LAMA2: variants seen among roughly 807,000 people sequenced by gnomAD.
LAMA2 encodes the protein laminin subunit alpha-2.
LAMA2 carries 269 observed loss-of-function variants against 364.8 expected under a neutral mutation model. The ratio of observed to expected loss-of-function variants is 0.74; its 90% CI spans 0.67 to 0.82. LAMA2 has a LOEUF of 0.82. Among genes scored for constraint, LAMA2 ranks in the 40% least tolerant of loss-of-function variants. The pLI is 0.00. For synonymous variants in LAMA2, 1,379 were observed against 1,370.6 expected, an observed-to-expected ratio of 1.01 and a Z score of -0.14; for missense variants, 3,807 against 3,873.2, an observed-to-expected ratio of 0.98 and a Z score of 0.45.
intron 22 of LAMA2, among the ~76,000 whole-genome samples, chr6:129,309,902 A>ATTTTT (rs993652081): frequency 1.1e-4 from 15 of 135,788 alleles, no homozygotes; most frequent in African/African-American, 3.4e-4. Flanking sequence ...CCTGATAATC[A>ATTTTT]TTTTTTTTTT....
At chr6:129,219,395 T>C (rs265350) in intron 12 of LAMA2, among the ~76,000 whole-genome samples, 135,590 of 150,674 alleles carry the variant, frequency 0.9, 62,757 homozygotes, top group East Asian at 1. Flanking sequence ...TAAACTAGTT[T>C]AACCATTGTG....
chr6:129,442,158 T>C, intron 43 of LAMA2: 1 of 1,254,920 alleles, frequency 8.0e-7, no homozygotes, highest in Non-Finnish European at 1.1e-6. Context: ...ATTGGTATTA[T>C]ATGCCATAAA....
At chr6:129,456,252 T>C in intron 47 of LAMA2, 83 bp from the exon 48 acceptor site, 1 of 1,348,286 alleles carries the variant, frequency 7.4e-7, no homozygotes, top group Non-Finnish European at 1.1e-6. Context: ...TTTATATCTT[T>C]TAAATCTGGA....
intron 1 of LAMA2, among the ~76,000 whole-genome samples, chr6:129,043,343 G>A (rs1248537325): frequency 6.6e-6 from 1 of 151,938 alleles, no homozygotes; most frequent in Non-Finnish European, 1.5e-5. Flanking sequence ...GCATTTAAAA[G>A]AATTTAACAG....
chr6:129,505,262 C>A lies in LAMA2; in HGVS notation c.8610C>A (p.Thr2870=). 1.2e-6 allele frequency: 2 copies of A among 1,613,638 alleles called. No individual in the cohort carries two copies. The highest frequency in any genetic ancestry group is 1.7e-6 in the Non-Finnish European group (2 of 1,179,634). ...ILYVDGASNR[T]ISPKKADILD... ...ATGTAGATGGGGCTTCCAACAGAAC[C>A]ATCAGTCCCAAAAAAGCCGACATCC... The change falls in exon 61 of 65, where the codon ACC becomes ACA. Residue 2870 remains threonine, a synonymous_variant. Coordinates refer to ENST00000421865, the MANE Select transcript of LAMA2 (RefSeq NM_000426.4).
intron 4 of LAMA2, among the ~76,000 whole-genome samples, chr6:129,104,186 C>T (rs905373018): frequency 1.7e-4 from 26 of 152,118 alleles, no homozygotes; most frequent in African/African-American, 6.0e-4. Flanking sequence ...TTTGTAGAGA[C>T]AGGGTCTTGC....
intron 1 of LAMA2, among the ~76,000 whole-genome samples, chr6:128,947,958 T>A (rs1780582654): frequency 6.6e-6 from 1 of 152,036 alleles, no homozygotes; most frequent in South Asian, 2.1e-4. Context: ...GGTGACAGAA[T>A]TAGCCTTAAG....
Position 129,475,370 on chromosome 6 carries a change from T to C in LAMA2, c.7440-20T>C, listed in dbSNP as rs986799786. 4.9e-6 allele frequency: 7 copies of C among 1,422,516 alleles called. No individual in the cohort carries two copies. Among genetic ancestry groups the C allele is most frequent in the Middle Eastern group, 1.8e-4 (1 of 5,636 alleles). The allele number at this position is 1,422,516 out of a possible 1,614,324, so 88.1% of individuals were successfully genotyped here. ...ATTGTTTTTATTTTTGTTTTTTTTT[T>C]CCTCTTTCCCGTTATCTAGTATGAA... On this transcript the variant is annotated intron_variant, in intron 52 of 64. Coordinates refer to ENST00000421865, the MANE Select transcript of LAMA2 (RefSeq NM_000426.4).
intron 32 of LAMA2, among the ~76,000 whole-genome samples, chr6:129,363,802 T>G (rs1014846345): frequency 1.3e-5 from 2 of 152,206 alleles, no homozygotes; most frequent in Admixed American, 6.5e-5. Context: ...AGAACCAGAC[T>G]GTGGATCTTG....
chr6:129,247,291 A>G (rs1368837287), intron 12 of LAMA2, among the ~76,000 whole-genome samples: 1 of 152,116 alleles, frequency 6.6e-6, no homozygotes, highest in African/African-American at 2.4e-5. Context: ...CTCTACAAAA[A>G]ATACAAAAAA....
At chr6:129,174,819 C>G (rs188875581) in intron 9 of LAMA2, among the ~76,000 whole-genome samples, 1 of 152,080 alleles carries the variant, frequency 6.6e-6, no homozygotes, top group Admixed American at 6.5e-5. Flanking sequence ...ATCTGTCTTT[C>G]GATCTATCTA....
At chr6:129,085,388 C>A (rs1298516408) in intron 3 of LAMA2, among the ~76,000 whole-genome samples, 1 of 152,186 alleles carries the variant, frequency 6.6e-6, no homozygotes, top group Non-Finnish European at 1.5e-5. Context: ...TTTTTTGTGA[C>A]ACTCATAACC....
At chr6:129,124,224 T>C (rs1007250188) in intron 4 of LAMA2, among the ~76,000 whole-genome samples, 15 of 152,074 alleles carry the variant, frequency 9.9e-5, no homozygotes, top group African/African-American at 3.6e-4. Flanking sequence ...GGCACATCTG[T>C]TGTAAGTTTT....
chr6:129,511,382 T>C (rs1323121974), intron 62 of LAMA2, among the ~76,000 whole-genome samples: 1 of 152,124 alleles, frequency 6.6e-6, no homozygotes, highest in Non-Finnish European at 1.5e-5. Context: ...TTCTACCCTT[T>C]ACTTTATTTT....
At chr6:128,895,422 G>A (rs1383756585) in intron 1 of LAMA2, among the ~76,000 whole-genome samples, 3 of 147,460 alleles carry the variant, frequency 2.0e-5, no homozygotes, top group Admixed American at 1.4e-4. Flanking sequence ...CACGAGGTCA[G>A]GAGATCGAGA....
At chr6:129,222,950 A>G (rs541461231) in intron 12 of LAMA2, among the ~76,000 whole-genome samples, 47 of 152,206 alleles carry the variant, frequency 3.1e-4, no homozygotes, top group African/African-American at 8.7e-4. Context: ...CTAGTTTACA[A>G]TCCCACCAAC....
intron 3 of LAMA2, among the ~76,000 whole-genome samples, chr6:129,068,387 T>A (rs1183140528): frequency 6.6e-6 from 1 of 152,236 alleles, no homozygotes; most frequent in Non-Finnish European, 1.5e-5. Flanking sequence ...TCTGGAGGCT[T>A]GACGTCCAAG....
intron 14 of LAMA2, among the ~76,000 whole-genome samples, chr6:129,253,832 G>C (rs1014983278): frequency 6.6e-6 from 1 of 152,124 alleles, no homozygotes; most frequent in Admixed American, 6.6e-5. Context: ...CTGAGGTTTC[G>C]CCATACAGGA....
Position 129,280,107 on chromosome 6 carries a change from G to T in LAMA2, c.2497G>T (p.Asp833Tyr). 1.2e-6 allele frequency: 2 copies of T among 1,613,464 alleles called. No homozygotes were observed. The highest frequency in any genetic ancestry group is 1.7e-6 in the Non-Finnish European group (2 of 1,179,560). Residue 833 changes from aspartate to tyrosine, a missense_variant, in exon 18 of 65, where the codon GAT (aspartate) becomes TAT (tyrosine). By Grantham distance (160) the Asp-to-Tyr change is radical (BLOSUM62 -3). Transcript: ENST00000421865. The part of the protein sequence containing the change: ...HLDRSLGLIC[D>Y]GCPVGYTGPR... ...AGACCGGAGTCTTGGATTGATCTGTGATGGATGCCCTGTCGGGTACACAGG... is the reference window on the plus strand; with the variant it reads ...AGACCGGAGTCTTGGATTGATCTGTTATGGATGCCCTGTCGGGTACACAGG...
Sources: allele counts gnomAD v4.1 joint callset (sites outside exome capture counted in the v4.1 genomes callset), GRCh38; gene constraint gnomAD v4.1.1; transcripts MANE v1.5; gene names NCBI Gene and HGNC (gene_info 2026-07-23, HGNC 2026-07-21).